HOXC6: variants seen among roughly 807,000 people sequenced by gnomAD.
The protein encoded by HOXC6 is homeobox C6.
A neutral mutation model predicts 24.0 loss-of-function variants in HOXC6; 10 were observed. The observed-to-expected ratio is 0.42, with a 90% CI of 0.26 to 0.71. The LOEUF is 0.71. Ranked by LOEUF, HOXC6 falls within the 30% of genes least tolerant of loss-of-function variation. The pLI is 0.28. For synonymous variants in HOXC6, 123 were observed against 128.1 expected (o/e 0.96, Z 0.27); for missense variants, 258 against 303.4 (o/e 0.85, Z 1.11).
At chr12:54,028,260 TATATA>T (rs1565740742), upstream of HOXC6, 1 of 165,574 alleles carries the variant, frequency 6.0e-6, no homozygotes, top group African/African-American at 2.7e-5. Context: ...TATATATATA[TATATA>T]TATTTTTTAA....
upstream of HOXC6, among the ~76,000 whole-genome samples, chr12:54,026,404 T>C (rs925278697): frequency 5.9e-5 from 9 of 152,226 alleles, no homozygotes; most frequent in African/African-American, 1.9e-4. Context: ...GCAACTCACA[T>C]TGGTGTCTAT....
intron 1 of HOXC6, chr12:54,020,381 T>C (rs1940380676): frequency 6.6e-6 from 1 of 152,236 alleles, no homozygotes; most frequent in Non-Finnish European, 1.5e-5. Flanking sequence ...CCATCCGCTG[T>C]ATTTCATGTG....
rs80157375 is a variant in HOXC6, at chr12:54,028,891, C to T, written c.370C>T (p.Pro124Ser). The T allele has an allele frequency of 2.5e-5, 40 of 1,612,454 alleles. No homozygotes were observed. The highest frequency in any genetic ancestry group is 3.3e-5 in the Non-Finnish European group (39 of 1,179,886). The change falls in exon 1 of 2, where the codon CCC (proline) becomes TCC (serine). Residue 124 changes from proline (P) to serine (S), a missense_variant. By Grantham distance (74) the Pro-to-Ser change is moderately conservative (BLOSUM62 -1). Transcript: ENST00000243108. ...QDQKASIQIYPWMQRMNSHSG... is the reference protein window; with the variant it reads ...QDQKASIQIYSWMQRMNSHSG... ...CCAGAAAGCCAGTATCCAGATTTAC[C>T]CCTGGATGCAGCGAATGAATTCGCA...
upstream of HOXC6, among the ~76,000 whole-genome samples, chr12:54,025,586 T>A (rs1334337949): frequency 6.6e-6 from 1 of 151,590 alleles, no homozygotes; most frequent in Admixed American, 6.6e-5. Flanking sequence ...AGTGGAGGAA[T>A]TTATTTGTAT....
rs1940923998 is a variant in HOXC6 at position 54,030,051 on chromosome 12, C to T, written c.*89C>T. On this transcript the variant is annotated 3_prime_UTR_variant, in exon 2 of 2. Coordinates refer to ENST00000243108, the MANE Select transcript of HOXC6 (RefSeq NM_004503.4). Reference sequence around the variant, plus strand: ...TCACACACTCTGTATTTATCACTGGCACAATTGATGTGTTTTGATTCCCTA... The same window carrying T: ...TCACACACTCTGTATTTATCACTGGTACAATTGATGTGTTTTGATTCCCTA... 4 of 1,256,486 alleles carry T rather than the reference C, an allele frequency of 3.2e-6. No individual in the cohort carries two copies. Among genetic ancestry groups the T allele is most frequent in the Non-Finnish European group, 4.3e-6 (4 of 924,406 alleles). The allele number at this position is 1,256,486 out of a possible 1,614,324, so 77.8% of individuals were successfully genotyped here. A position where few individuals can be genotyped will look rare whatever the true frequency, so the allele number is the denominator to read the frequency against.
At chr12:54,026,832 C>G (rs1940723291), upstream of HOXC6, among the ~76,000 whole-genome samples, 1 of 152,120 alleles carries the variant, frequency 6.6e-6, no homozygotes, top group Non-Finnish European at 1.5e-5. Flanking sequence ...TCAGCATAGT[C>G]CCGTTTATGG....
At chr12:54,017,964 A>G (rs959271930) in intron 1 of HOXC6, among the ~76,000 whole-genome samples, 9 of 152,030 alleles carry the variant, frequency 5.9e-5, no homozygotes, top group African/African-American at 2.2e-4. Context: ...GTGTGGGCCC[A>G]GGGCCGGGCC....
chr12:54,026,393 A>G (rs1940698125), upstream of HOXC6, among the ~76,000 whole-genome samples: 1 of 152,232 alleles, frequency 6.6e-6, no homozygotes. Context: ...TAGGGCAAAA[A>G]GCAACTCACA....
chr12:54,028,394 T>G (rs1592231185), upstream of HOXC6: 3 of 1,027,186 alleles, frequency 2.9e-6, no homozygotes, highest in South Asian at 1.8e-5. Flanking sequence ...TGGGAGGGGG[T>G]CAGCTGACTT....
chr12:54,017,840 C>T (rs1323603278), intron 1 of HOXC6, among the ~76,000 whole-genome samples: 2 of 152,186 alleles, frequency 1.3e-5, no homozygotes, highest in South Asian at 2.1e-4. Flanking sequence ...GTGCCCATTG[C>T]CCCCTAAGCA....
Position 54,029,695 on chromosome 12 carries a change from C to A in HOXC6, c.441C>A (p.Ile147=), listed in dbSNP as rs778998070. ...CGGACCGGAGGCGCGGCCGCCAGAT[C>A]TACTCGCGGTACCAGACCCTGGAAC... ...YGADRRRGRQ[I]YSRYQTLELE... The change falls in exon 2 of 2, where the codon ATC becomes ATA. Residue 147 remains isoleucine, a synonymous_variant. Coordinates refer to ENST00000243108, the MANE Select transcript of HOXC6 (RefSeq NM_004503.4). 7.4e-6 allele frequency: 12 copies of A among 1,613,980 alleles called. No homozygotes were observed. In the Admixed American group the frequency reaches 2.0e-4, roughly 27 times the overall value.
Position 54,029,827 on chromosome 12 carries a change from C to T in HOXC6, c.573C>T (p.Asn191=). 1 of 1,614,068 alleles carries T rather than the reference C, an allele frequency of 6.2e-7. No homozygotes were observed. The highest frequency in any genetic ancestry group is 8.5e-7 in the Non-Finnish European group (1 of 1,179,988). Residue 191 remains asparagine (N), a synonymous_variant, in exon 2 of 2, where the codon AAC becomes AAT. Coordinates refer to ENST00000243108, the MANE Select transcript of HOXC6 (RefSeq NM_004503.4). The stretch of plus-strand genomic sequence containing the variant: ...GACAGATCAAAATCTGGTTCCAGAA[C>T]CGCCGGATGAAGTGGAAAAAAGAAT... ...TERQIKIWFQ[N]RRMKWKKESN... is the part of the protein sequence containing the mutation.
At chr12:54,028,379 T>G, upstream of HOXC6, 1 of 852,730 alleles carries the variant, frequency 1.2e-6, no homozygotes, top group Non-Finnish European at 1.8e-6. Flanking sequence ...TGGCTTGCGA[T>G]TGGCTGGGAG....
At position 54,028,694 on chromosome 12, in the gene HOXC6, A is replaced by G; in HGVS notation, c.173A>G (p.Gln58Arg). 1 of 1,614,164 alleles carries G rather than the reference A, an allele frequency of 6.2e-7. No homozygotes were observed. The highest frequency in any genetic ancestry group is 2.2e-5 in the East Asian group (1 of 44,866). The change falls in exon 1 of 2, where the codon CAG becomes CGG. Residue 58 changes from glutamine (Q) to arginine (R), a missense_variant. Coordinates refer to ENST00000243108, the MANE Select transcript of HOXC6 (RefSeq NM_004503.4). ...TACTCGACTCCCTTTTATTCGCCAC[A>G]GGAGAATGTCGTGTTCAGTTCCAGC... ...RIYSTPFYSP[Q>R]ENVVFSSSRG...
intron 1 of HOXC6, chr12:54,021,809 T>A (rs1377320905): frequency 6.6e-6 from 1 of 152,472 alleles, no homozygotes; most frequent in Non-Finnish European, 1.5e-5. Flanking sequence ...CTGTGAGTTG[T>A]TTACTTGTTT....
upstream of HOXC6, among the ~76,000 whole-genome samples, chr12:54,027,213 T>C (rs1480275128): frequency 6.6e-6 from 1 of 152,186 alleles, no homozygotes; most frequent in Non-Finnish European, 1.5e-5. Flanking sequence ...GGGAATAAAA[T>C]GGGCGTTGAG....
At chr12:54,017,977 C>A (rs545349272) in intron 1 of HOXC6, among the ~76,000 whole-genome samples, 1 of 152,186 alleles carries the variant, frequency 6.6e-6, no homozygotes, top group Admixed American at 6.5e-5. Flanking sequence ...GCCGGGCCGC[C>A]GAGCAGGAAG....
chr12:54,028,975 C>T, intron 1 of HOXC6, 54 bp downstream of exon 1: 1 of 1,514,630 alleles, frequency 6.6e-7, no homozygotes, highest in Non-Finnish European at 8.9e-7. Context: ...GGCTTTATGA[C>T]CGGCTTCCCT....
At position 54,021,860 on chromosome 12, in the gene HOXC6, G is replaced by A. The variant is rs1940463807; in HGVS notation, c.-193+4446G>A. The stretch of plus-strand genomic sequence containing the variant: ...TGCGTCAGAAACCCGCCAAACCAGC[G>A]AACTCGCCCAGGAGAACAAAGTGCT... On this transcript the variant is annotated intron_variant, in intron 1 of 2. Coordinates refer to the HOXC6 transcript ENST00000394331. 3 of 152,332 alleles carry A rather than the reference G, an allele frequency of 2.0e-5. No homozygotes were observed. The South Asian group carries it at 6.2e-4, about 32-fold the overall frequency. 9.4% of individuals were successfully genotyped at this position (152,332 alleles called of 1,614,324 possible). A position where few individuals can be genotyped will look rare whatever the true frequency, so the allele number is the denominator to read the frequency against.
Sources: allele counts gnomAD v4.1 joint callset (sites outside exome capture counted in the v4.1 genomes callset), GRCh38; gene constraint gnomAD v4.1.1; transcripts MANE v1.5; gene names NCBI Gene and HGNC (gene_info 2026-07-23, HGNC 2026-07-21).